CTNS: variants seen among roughly 807,000 people sequenced by gnomAD.
The protein encoded by CTNS is cystinosin.
A neutral mutation model predicts 43.7 loss-of-function variants in CTNS; 27 were observed. The ratio of observed to expected loss-of-function variants is 0.62; its 90% CI spans 0.46 to 0.85. The LOEUF (loss-of-function observed/expected upper bound fraction) is 0.85, where lower values mean the gene tolerates loss of function less well. CTNS is among the 40% of genes least tolerant of loss of function. The pLI, the probability that CTNS is intolerant of heterozygous loss-of-function variation, is 0.00. For synonymous variants in CTNS, 187 were observed against 190.6 expected (o/e 0.98, Z 0.16); for missense variants, 457 against 475.4 (o/e 0.96, Z 0.36).
chr17:3,654,382 G>C (rs2076068465), intron 5 of CTNS, among the ~76,000 whole-genome samples: 1 of 152,118 alleles, frequency 6.6e-6, no homozygotes, highest in African/African-American at 2.4e-5. Context: ...TGCTCAGAAA[G>C]TCTCACCCAG....
In CTNS at chr17:3,660,874, C is replaced by T; in HGVS notation, c.*505C>T. On this transcript the variant is annotated 3_prime_UTR_variant, in exon 12 of 12. Coordinates refer to ENST00000046640, the MANE Select transcript of CTNS (RefSeq NM_004937.3). ...TTGGGGTTAGGCCATGGGGCTCTTT[C>T]TCTGAAGGCCACTTTCCTGACGTAC... The T allele has an allele frequency of 7.8e-7, 1 of 1,276,898 alleles. No individual in the cohort carries two copies. Among genetic ancestry groups the T allele is most frequent in the Non-Finnish European group, 1.1e-6 (1 of 910,780 alleles). The allele number at this position is 1,276,898 out of a possible 1,614,324, so 79.1% of individuals were successfully genotyped here. A position where few individuals can be genotyped will look rare whatever the true frequency, so the allele number is the denominator to read the frequency against.
intron 3 of CTNS, among the ~76,000 whole-genome samples, chr17:3,641,382 ATATT>A (rs1272591720): frequency 2.3e-4 from 9 of 39,952 alleles, no homozygotes; most frequent in African/African-American, 8.9e-4. Flanking sequence ...ATATATATAT[ATATT>A]TTTTTTTTTT....
At chr17:3,642,254 C>G (rs2075738809) in intron 3 of CTNS, among the ~76,000 whole-genome samples, 1 of 151,798 alleles carries the variant, frequency 6.6e-6, no homozygotes, top group African/African-American at 2.4e-5. Flanking sequence ...GCTACCACCA[C>G]TCCAGTTACC....
At chr17:3,642,075 G>GTGTGTGTGTT (rs1208438918) in intron 3 of CTNS, among the ~76,000 whole-genome samples, 1 of 148,696 alleles carries the variant, frequency 6.7e-6, no homozygotes, top group Non-Finnish European at 1.5e-5. Context: ...GTGTGTGTGT[G>GTGTGTGTGTT]TGTGTGTGCC....
intron 5 of CTNS, 92 bp from the exon 6 acceptor site, chr17:3,654,906 T>C: frequency 1.1e-6 from 1 of 928,848 alleles, no homozygotes. Flanking sequence ...GGTGCGTCCC[T>C]CCGTTCCCTA....
intron 5 of CTNS, among the ~76,000 whole-genome samples, chr17:3,654,145 C>T (rs2076061418): frequency 6.6e-6 from 1 of 152,106 alleles, no homozygotes. Flanking sequence ...TAGCAGTGGC[C>T]CCGTTTGCCA....
intron 5 of CTNS, chr17:3,650,140 A>T (rs753261515): frequency 6.5e-7 from 1 of 1,548,328 alleles, no homozygotes; most frequent in African/African-American, 1.4e-5. Context: ...GCAAATATAT[A>T]CACTTTTTAT....
intron 3 of CTNS, among the ~76,000 whole-genome samples, chr17:3,641,384 ATTTTTTT>A (rs869072123): frequency 9.6e-5 from 3 of 31,204 alleles, no homozygotes; most frequent in African/African-American, 2.3e-4. Context: ...ATATATATAT[ATTTTTTT>A]TTTTTTTTTT....
chr17:3,652,754 C>T (rs373302134), intron 5 of CTNS, among the ~76,000 whole-genome samples: 1 of 152,044 alleles, frequency 6.6e-6, no homozygotes, highest in Non-Finnish European at 1.5e-5. Flanking sequence ...ATGCAAGCAA[C>T]GTTGCAAGGA....
At chr17:3,656,953 C>A in intron 9 of CTNS, 158 bp downstream of exon 9, 1 of 1,165,910 alleles carries the variant, frequency 8.6e-7, no homozygotes, top group Non-Finnish European at 1.2e-6. Flanking sequence ...GAGTCCAGGC[C>A]CTCAGAGCCC....
chr17:3,655,469 C>A, intron 7 of CTNS, 117 bp downstream of exon 7: 2 of 1,493,368 alleles, frequency 1.3e-6, no homozygotes, highest in Non-Finnish European at 1.8e-6. Context: ...TCTGCCTACC[C>A]TTTCCAGAAA....
chr17:3,647,595 T>A, intron 4 of CTNS, 73 bp downstream of exon 4: 1 of 1,296,980 alleles, frequency 7.7e-7, no homozygotes, highest in Non-Finnish European at 1.1e-6. Flanking sequence ...GACCCCTGGC[T>A]CAGTCTGTTC....
At chr17:3,642,560 G>A (rs1222992559) in intron 3 of CTNS, among the ~76,000 whole-genome samples, 7 of 152,206 alleles carry the variant, frequency 4.6e-5, no homozygotes, top group Middle Eastern at 6.8e-3. Flanking sequence ...GGTGGCGAGC[G>A]CCTGTAAGCC....
At chr17:3,639,640 C>T (rs2075633241) in intron 2 of CTNS, among the ~76,000 whole-genome samples, 1 of 148,978 alleles carries the variant, frequency 6.7e-6, no homozygotes, top group Non-Finnish European at 1.5e-5. Context: ...TGCACTCCAG[C>T]CTGGGCAACA....
intron 3 of CTNS, among the ~76,000 whole-genome samples, chr17:3,647,041 T>C (rs986270687): frequency 4.6e-5 from 7 of 152,150 alleles, no homozygotes; most frequent in African/African-American, 1.7e-4. Context: ...CCATTTTGAC[T>C]TCATGAACAG....
At chr17:3,659,191 A>AC (rs938057962) in intron 10 of CTNS, among the ~76,000 whole-genome samples, 37 of 90,258 alleles carry the variant, frequency 4.1e-4, no homozygotes, top group Middle Eastern at 0.012. Flanking sequence ...GACCTGCCTC[A>AC]CGGGGGGAAG....
In CTNS at chr17:3,658,065, G is replaced by C. The variant is rs755196712; in HGVS notation, c.742G>C (p.Ala248Pro). 1 of 1,612,042 alleles carries C rather than the reference G, an allele frequency of 6.2e-7. No individual in the cohort carries two copies. The highest frequency in any genetic ancestry group is 8.5e-7 in the Non-Finnish European group (1 of 1,179,874). ...IGFLVLAWLF[A>P]FVTMIVAAVG... Reference sequence around the variant, plus strand: ...CTTCCTGGTGCTCGCGTGGCTCTTCGCATTTGTCACCATGATCGTGGCTGC... The same window carrying C: ...CTTCCTGGTGCTCGCGTGGCTCTTCCCATTTGTCACCATGATCGTGGCTGC... The change falls in exon 10 of 12, where the codon GCA (alanine) becomes CCA (proline). Residue 248 changes from alanine to proline, a missense_variant. Physicochemically the swap from Ala to Pro is conservative, Grantham distance 27. Coordinates refer to ENST00000046640, the MANE Select transcript of CTNS (RefSeq NM_004937.3).
At chr17:3,644,098 A>C (rs929311914) in intron 3 of CTNS, among the ~76,000 whole-genome samples, 1 of 152,166 alleles carries the variant, frequency 6.6e-6, no homozygotes, top group African/African-American at 2.4e-5. Flanking sequence ...ACTGCCTCCC[A>C]CCTTGGGCTA....
intron 3 of CTNS, among the ~76,000 whole-genome samples, chr17:3,647,201 C>T (rs1257044885): frequency 6.6e-6 from 1 of 152,224 alleles, no homozygotes; most frequent in African/African-American, 2.4e-5. Flanking sequence ...CAGAGCCTGT[C>T]ATCGCAGCGG....
Sources: gnomAD v4.1 joint callset for allele counts (sites outside exome capture counted in the v4.1 genomes callset) on GRCh38, gnomAD v4.1.1 for gene constraint, MANE v1.5 for transcripts, NCBI Gene and HGNC (gene_info 2026-07-23, HGNC 2026-07-21) for gene names.